The following ASTN2 variants were observed in gnomAD, a reference collection of about 807,000 sequenced individuals.
ASTN2 encodes the protein astrotactin 2, also known as astrotactin-2.
In ASTN2, 54 loss-of-function variants were observed where a neutral mutation model predicts 139.8. The ratio of observed to expected loss-of-function variants is 0.39; its 90% CI spans 0.31 to 0.48. The LOEUF is 0.48. Ranked by LOEUF, ASTN2 falls within the 20% of genes least tolerant of loss-of-function variation. The probability of loss-of-function intolerance (pLI) is 0.95; values close to 1 mark genes in which losing one functional copy is unlikely to be tolerated. For missense variants in ASTN2, 1,565 were observed against 1,725.1 expected, an observed-to-expected ratio of 0.91 and a Z score of 1.64; for synonymous variants, 756 against 719.5, an observed-to-expected ratio of 1.05 and a Z score of -0.81.
intron 10 of ASTN2, among the ~76,000 whole-genome samples, chr9:116,894,399 G>A (rs1833835284): frequency 6.6e-6 from 1 of 152,162 alleles, no homozygotes; most frequent in South Asian, 2.1e-4. Context: ...AAAGATAGGA[G>A]CCAGTACCCC....
chr9:116,429,920 AT>A (rs781625083), intron 22 of ASTN2, among the ~76,000 whole-genome samples: 20 of 152,306 alleles, frequency 1.3e-4, no homozygotes, highest in Admixed American at 2.0e-4. Flanking sequence ...ATGAAACAGC[AT>A]TTTCAGGTAG....
chr9:117,344,625 A>G (rs1299203327), intron 1 of ASTN2, among the ~76,000 whole-genome samples: 3 of 152,104 alleles, frequency 2.0e-5, no homozygotes, highest in African/African-American at 7.2e-5. Context: ...TCCTTGTATG[A>G]GAAGAAGCAT....
At chr9:116,676,196 A>G (rs1859487454) in intron 16 of ASTN2, among the ~76,000 whole-genome samples, 2 of 152,204 alleles carry the variant, frequency 1.3e-5, no homozygotes, top group African/African-American at 4.8e-5. Context: ...ATATGCCAGC[A>G]AAAAGGGTAA....
rs192922314 is a variant in ASTN2 at position 116,956,391 on chromosome 9, G to A, written c.1889+18817C>T. ...TGGGATTACAGGCATGAGACACTGC[G>A]CCCAGCCAACTATTCAGAACTCTTG... On this transcript the variant is annotated intron_variant, in intron 10 of 22. Transcript: ENST00000313400. Among the ~76,000 whole-genome samples, 777 of 148,428 alleles carry A rather than the reference G, an allele frequency of 5.2e-3. 9 individuals carry two copies. Among genetic ancestry groups the A allele is most frequent in the African/African-American group, 0.018 (716 of 40,882 alleles).
At chr9:116,623,836 G>A (rs1856300259) in intron 17 of ASTN2, among the ~76,000 whole-genome samples, 1 of 152,090 alleles carries the variant, frequency 6.6e-6, no homozygotes, top group Non-Finnish European at 1.5e-5. Context: ...CACACAGGAA[G>A]AATAAATGCC....
intron 16 of ASTN2, among the ~76,000 whole-genome samples, chr9:116,664,804 T>C (rs1377009646): frequency 6.6e-6 from 1 of 152,184 alleles, no homozygotes; most frequent in African/African-American, 2.4e-5. Flanking sequence ...AAACACAAAA[T>C]GATCTGCGAA....
At chr9:116,730,839 A>G (rs1828757433) in intron 14 of ASTN2, among the ~76,000 whole-genome samples, 3 of 152,122 alleles carry the variant, frequency 2.0e-5, no homozygotes, top group African/African-American at 7.2e-5. Flanking sequence ...TTGTAAAACC[A>G]TCTTCTCACT....
chr9:116,545,843 A>C (rs780623032), intron 19 of ASTN2: 4 of 152,198 alleles, frequency 2.6e-5, no homozygotes, highest in Admixed American at 6.5e-5. Flanking sequence ...TGGCCTTGGG[A>C]AAGTCATTTG....
Position 117,414,876 on chromosome 9 carries a change from C to A in ASTN2, c.63G>T (p.Arg21Ser). 2 of 947,122 alleles carry A rather than the reference C, an allele frequency of 2.1e-6. No homozygotes were observed. The highest frequency in any genetic ancestry group is 2.6e-6 in the Non-Finnish European group (2 of 757,792). The allele number at this position is 947,122 out of a possible 1,614,324, so 58.7% of individuals were successfully genotyped here. The change falls in exon 1 of 23, where the codon AGG becomes AGT. Residue 21 changes from arginine (R) to serine (S), a missense_variant. This residue lies in a region of ASTN2 where 596 missense variants were observed against 576.8 expected (regional missense o/e 1.03). Coordinates refer to ENST00000313400, the MANE Select transcript of ASTN2 (RefSeq NM_001365068.1). The surrounding 1 kb of genome is among the most constrained non-coding windows in gnomAD (Gnocchi z 4.2). Reference protein sequence around the residue: ...GPGSGLRGRPRLCFHPGPPPL... With the variant: ...GPGSGLRGRPSLCFHPGPPPL... ...GCGGCGGCCCCGGGTGGAAGCAGAG[C>A]CTCGGCCGCCCCCGGAGCCCCGAGC...
chr9:116,940,687 T>C lies in ASTN2; in HGVS notation c.1889+34521A>G, dbSNP rs549169779. On this transcript the variant is annotated intron_variant, in intron 10 of 22. Transcript: ENST00000313400. Reference sequence around the variant, plus strand: ...AAGTTTTAGTAATCTAGGTTTATTATTGAAGAAAGAAAATTTTAAAATAAA... The same window carrying C: ...AAGTTTTAGTAATCTAGGTTTATTACTGAAGAAAGAAAATTTTAAAATAAA... Among the ~76,000 whole-genome samples, 145 of 152,318 alleles carry C rather than the reference T, an allele frequency of 9.5e-4. 1 individual carries two copies. The highest frequency in any genetic ancestry group is 3.5e-3 in the African/African-American group (144 of 41,570).
Position 117,379,829 on chromosome 9 carries a change from G to A in ASTN2, c.442+34668C>T, listed in dbSNP as rs1830219057. 1.3e-5 allele frequency among the ~76,000 whole-genome samples: 2 copies of A among 152,162 alleles called. 1 individual carries two copies. Among genetic ancestry groups the A allele is most frequent in the Admixed American group, 1.3e-4 (2 of 15,270 alleles). On this transcript the variant is annotated intron_variant, in intron 1 of 22. Transcript: ENST00000313400. ...GCTGGATGATAGGATTTATCACCTTGGGGAATTTCCATTAACATGGCTGAA... is the reference window on the plus strand; with the variant it reads ...GCTGGATGATAGGATTTATCACCTTAGGGAATTTCCATTAACATGGCTGAA...
At chr9:116,861,038 C>T (rs1333298315) in intron 11 of ASTN2, among the ~76,000 whole-genome samples, 1 of 152,072 alleles carries the variant, frequency 6.6e-6, no homozygotes, top group Non-Finnish European at 1.5e-5. Flanking sequence ...ATCCATTGAA[C>T]CTTGAAGTAG....
At chr9:117,065,305 G>A (rs550878977) in intron 5 of ASTN2, among the ~76,000 whole-genome samples, 45 of 152,270 alleles carry the variant, frequency 3.0e-4, no homozygotes, top group Non-Finnish European at 5.7e-4. Flanking sequence ...TTGGTAATTT[G>A]TTACAGCAGC....
At chr9:116,955,514 T>C (rs1437625602) in intron 10 of ASTN2, among the ~76,000 whole-genome samples, 1 of 152,248 alleles carries the variant, frequency 6.6e-6, no homozygotes, top group Non-Finnish European at 1.5e-5. Context: ...TTCACCCTTC[T>C]GGGCACTCTG....
chr9:116,528,407 T>G (rs1287181734), intron 19 of ASTN2, among the ~76,000 whole-genome samples: 1 of 152,180 alleles, frequency 6.6e-6, no homozygotes, highest in Non-Finnish European at 1.5e-5. Context: ...TGACCTGACT[T>G]TTTTTGAAAG....
chr9:117,113,952 G>T (rs1168379472), intron 4 of ASTN2, among the ~76,000 whole-genome samples: 2 of 151,994 alleles, frequency 1.3e-5, no homozygotes, highest in Non-Finnish European at 2.9e-5. Flanking sequence ...AAAACTCATT[G>T]AATTGCATAC....
At chr9:117,321,819 C>G (rs1828333584) in intron 1 of ASTN2, among the ~76,000 whole-genome samples, 1 of 152,176 alleles carries the variant, frequency 6.6e-6, no homozygotes, top group African/African-American at 2.4e-5. Context: ...TGAGCAGCCT[C>G]CCTGGCCTCT....
intron 19 of ASTN2, among the ~76,000 whole-genome samples, chr9:116,601,321 A>G (rs1240917314): frequency 6.6e-6 from 1 of 152,240 alleles, no homozygotes; most frequent in Non-Finnish European, 1.5e-5. Context: ...AGTTCTTAAA[A>G]GGTTTAAATT....
chr9:117,037,640 T>C (rs1838426133), intron 6 of ASTN2, among the ~76,000 whole-genome samples: 1 of 152,194 alleles, frequency 6.6e-6, no homozygotes. Context: ...TTTCTACATG[T>C]ATGAAAATAA....
Sources: gnomAD v4.1 joint callset for allele counts (sites outside exome capture counted in the v4.1 genomes callset) on GRCh38, gnomAD v4.1.1 for gene constraint, gnomAD v4.1.1 regional missense constraint, Gnocchi (gnomAD v3.1) non-coding constraint, MANE v1.5 for transcripts, NCBI Gene and HGNC (gene_info 2026-07-23, HGNC 2026-07-21) for gene names.